Variants in UNC5D observed in about 807,000 individuals in gnomAD.
The protein encoded by UNC5D is netrin receptor UNC5D.
Under a neutral mutation model 105.4 loss-of-function variants are expected in UNC5D, and 39 were observed. The ratio of observed to expected loss-of-function variants is 0.37; its 90% CI spans 0.29 to 0.48. The LOEUF (loss-of-function observed/expected upper bound fraction) is 0.48. Ranked by LOEUF, UNC5D falls within the 20% of genes least tolerant of loss-of-function variation. UNC5D has a pLI of 0.98. For synonymous variants in UNC5D, 452 were observed against 450.4 expected, an observed-to-expected ratio of 1.00 and a Z score of -0.04; for missense variants, 991 against 1,202.4, an observed-to-expected ratio of 0.82 and a Z score of 2.60.
At chr8:35,551,499 G>C (rs1380314036) in intron 2 of UNC5D, among the ~76,000 whole-genome samples, 1 of 152,094 alleles carries the variant, frequency 6.6e-6, no homozygotes, top group Non-Finnish European at 1.5e-5. Flanking sequence ...AGAAGACAGG[G>C]ATAGGAGTAT....
rs1459136644 is a variant in UNC5D, at chr8:35,450,871, TG to T, written c.104-98420del. Among the ~76,000 whole-genome samples the T allele has an allele frequency of 2.0e-5, 3 of 152,148 alleles. No homozygotes were observed. In the East Asian group the frequency reaches 5.8e-4, roughly 29 times the overall value. ...AAACAGGATTTTTGTTGGATGATTT[TG>T]TCCAATGATAGGCTAAAGTAAGTGC... is the stretch of plus-strand genomic sequence containing the variant. On this transcript the variant is annotated intron_variant, in intron 1 of 16. Transcript: ENST00000404895.
At chr8:35,291,751 C>T (rs1191008945) in intron 1 of UNC5D, among the ~76,000 whole-genome samples, 1 of 152,146 alleles carries the variant, frequency 6.6e-6, no homozygotes, top group Non-Finnish European at 1.5e-5. Context: ...TCATTTCTCT[C>T]TTTTGTAGTT....
chr8:35,790,353 A>C lies in UNC5D; in HGVS notation c.2658-6A>C, dbSNP rs1452458758. On this transcript the variant is annotated splice_region_variant and splice_polypyrimidine_tract_variant and intron_variant, in intron 16 of 16. Transcript: ENST00000404895. ...TTGTTCTTTGTGTTTAACTCTCTCC[A>C]TCTAGGAATTTATCTTATTTCGCTA... 1 of 1,613,342 alleles carries C rather than the reference A, an allele frequency of 6.2e-7. No homozygotes were observed. Among genetic ancestry groups the C allele is most frequent in the Non-Finnish European group, 8.5e-7 (1 of 1,179,612 alleles).
In UNC5D at chr8:35,592,683, G is replaced by T. The variant is rs560792268; in HGVS notation, c.467-2871G>T. Reference sequence around the variant, plus strand: ...TGGCACCAGTATCAGGTACAAGCCAGAACTAGGACTCCATGATACTTGTGT... The same window carrying T: ...TGGCACCAGTATCAGGTACAAGCCATAACTAGGACTCCATGATACTTGTGT... On this transcript the variant is annotated intron_variant, in intron 3 of 16. Transcript: ENST00000404895. Among the ~76,000 whole-genome samples, 385 of 152,256 alleles carry T rather than the reference G, an allele frequency of 2.5e-3. 1 individual carries two copies. The highest frequency in any genetic ancestry group is 8.9e-3 in the African/African-American group (371 of 41,544).
chr8:35,279,547 T>C (rs1213836505), intron 1 of UNC5D, among the ~76,000 whole-genome samples: 1 of 152,216 alleles, frequency 6.6e-6, no homozygotes, highest in African/African-American at 2.4e-5. Context: ...ACCATGGTGA[T>C]TAATGAACAC....
intron 1 of UNC5D, among the ~76,000 whole-genome samples, chr8:35,323,032 T>C (rs917361370): frequency 6.6e-6 from 1 of 152,110 alleles, no homozygotes; most frequent in Admixed American, 6.6e-5. Flanking sequence ...GTAGGACTAA[T>C]ATGACCTTCA....
At chr8:35,297,866 T>G (rs1360711695) in intron 1 of UNC5D, among the ~76,000 whole-genome samples, 2 of 152,150 alleles carry the variant, frequency 1.3e-5, no homozygotes, top group Non-Finnish European at 1.5e-5. Flanking sequence ...AACTCACTAA[T>G]TTGACAGCAT....
chr8:35,603,742 A>G (rs1489943368), intron 4 of UNC5D, among the ~76,000 whole-genome samples: 1 of 152,104 alleles, frequency 6.6e-6, no homozygotes, highest in Non-Finnish European at 1.5e-5. Context: ...TTGGGTGCAT[A>G]TATATTTAGG....
chr8:35,571,930 C>G (rs909456677), intron 3 of UNC5D, among the ~76,000 whole-genome samples: 2 of 152,100 alleles, frequency 1.3e-5, no homozygotes, highest in Non-Finnish European at 2.9e-5. Flanking sequence ...TGTTGGAGTT[C>G]ACCATCAGAG....
intron 4 of UNC5D, among the ~76,000 whole-genome samples, chr8:35,666,213 G>A (rs1400982974): frequency 6.6e-6 from 1 of 151,560 alleles, no homozygotes; most frequent in African/African-American, 2.4e-5. Flanking sequence ...ATGGAAATGT[G>A]GATTTTTAAA....
At chr8:35,252,821 A>G (rs956086156) in intron 1 of UNC5D, among the ~76,000 whole-genome samples, 1 of 152,084 alleles carries the variant, frequency 6.6e-6, no homozygotes, top group African/African-American at 2.4e-5. Context: ...TCTTTTCCAG[A>G]TACTGCCAAT....
At position 35,744,034 on chromosome 8, in the gene UNC5D, TTGGTCTGCTTTCATC is replaced by T. The variant is rs150232346; in HGVS notation, c.1767-4489_1767-4475del. On this transcript the variant is annotated intron_variant, in intron 11 of 16. Transcript: ENST00000404895. Reference sequence around the variant, plus strand: ...CATTGCATGCTGTTGTCCTGTGCCTTTGGTCTGCTTTCATCTGGAACCATTCCTGAGTCTTTGTAT... The same window carrying T: ...CATTGCATGCTGTTGTCCTGTGCCTTTGGAACCATTCCTGAGTCTTTGTAT... Among the ~76,000 whole-genome samples the T allele has an allele frequency of 2.5e-3, 381 of 152,338 alleles. 4 individuals carry two copies. The East Asian group carries it at 0.027, about 11-fold the overall frequency.
rs985775082 is a variant in UNC5D, at chr8:35,333,700, G to A, written c.103+97813G>A. Among the ~76,000 whole-genome samples the A allele has an allele frequency of 6.6e-5, 10 of 151,988 alleles. No homozygotes were observed. The East Asian group carries it at 1.2e-3, about 18-fold the overall frequency. On this transcript the variant is annotated intron_variant, in intron 1 of 16. Coordinates refer to ENST00000404895, the MANE Select transcript of UNC5D (RefSeq NM_080872.4). The stretch of plus-strand genomic sequence containing the variant: ...TCTCCATGTTGGCCAGGCTGGTCTC[G>A]AACTCCTGACCTCAGGTGATCCACT...
At chr8:35,725,243 C>T (rs185922179) in intron 9 of UNC5D, among the ~76,000 whole-genome samples, 14 of 152,164 alleles carry the variant, frequency 9.2e-5, no homozygotes, top group East Asian at 1.9e-4. Flanking sequence ...GTCATATTGA[C>T]GGACTGATAT....
At chr8:35,293,705 T>G (rs1396550411) in intron 1 of UNC5D, among the ~76,000 whole-genome samples, 2 of 152,232 alleles carry the variant, frequency 1.3e-5, no homozygotes, top group East Asian at 3.8e-4. Flanking sequence ...GAATTTATTG[T>G]GTCAGGATTT....
chr8:35,678,429 G>T (rs1825421930), intron 4 of UNC5D, among the ~76,000 whole-genome samples: 1 of 152,056 alleles, frequency 6.6e-6, no homozygotes, highest in Admixed American at 6.6e-5. Flanking sequence ...ATAAATAAAA[G>T]AGATTTTTTT....
chr8:35,733,443 T>C (rs1326443701), intron 11 of UNC5D, among the ~76,000 whole-genome samples: 1 of 152,196 alleles, frequency 6.6e-6, no homozygotes, highest in Non-Finnish European at 1.5e-5. Flanking sequence ...TCTGCCATCC[T>C]GAACTTGTGC....
intron 1 of UNC5D, among the ~76,000 whole-genome samples, chr8:35,465,277 A>G (rs1325969991): frequency 6.6e-6 from 1 of 152,208 alleles, no homozygotes; most frequent in Admixed American, 6.5e-5. Context: ...CTGTAGTCCC[A>G]GCTACTTGGA....
At chr8:35,419,559 A>G (rs1805752739) in intron 1 of UNC5D, among the ~76,000 whole-genome samples, 1 of 152,152 alleles carries the variant, frequency 6.6e-6, no homozygotes, top group Non-Finnish European at 1.5e-5. Context: ...GGGGAGTCCC[A>G]AGGTCCGAGC....
Sources: allele counts gnomAD v4.1 joint callset (sites outside exome capture counted in the v4.1 genomes callset), GRCh38; gene constraint gnomAD v4.1.1; transcripts MANE v1.5; gene names NCBI Gene and HGNC (gene_info 2026-07-23, HGNC 2026-07-21).